The following CDH18 variants were observed in gnomAD, a reference collection of about 807,000 sequenced individuals.
CDH18 encodes the protein cadherin 18.
CDH18 carries 31 observed loss-of-function variants against 67.9 expected under a neutral mutation model. The ratio of observed to expected loss-of-function variants is 0.46; its 90% CI spans 0.34 to 0.62. CDH18 has a LOEUF of 0.62. Ranked by LOEUF, CDH18 falls within the 20% of genes least tolerant of loss-of-function variation. The pLI, the probability that CDH18 is intolerant of heterozygous loss-of-function variation, is 0.01. For synonymous variants in CDH18, 362 were observed against 347.2 expected (o/e 1.04, Z -0.48); for missense variants, 890 against 975.5 (o/e 0.91, Z 1.17).
intron 11 of CDH18, among the ~76,000 whole-genome samples, chr5:19,490,392 C>CTTTTTTTTTTTTT (rs1561183202): frequency 9.9e-5 from 4 of 40,306 alleles, no homozygotes; most frequent in African/African-American, 4.1e-4. Flanking sequence ...ATATAAAAAT[C>CTTTTTTTTTTTTT]TGTTTTTTTT....
At chr5:20,011,018 T>C (rs1239268216) in intron 2 of CDH18, among the ~76,000 whole-genome samples, 1 of 152,150 alleles carries the variant, frequency 6.6e-6, no homozygotes, top group Non-Finnish European at 1.5e-5. Context: ...CATTACATAT[T>C]ATCATTTTGC....
chr5:20,204,752 G>T (rs1036165982), intron 2 of CDH18, among the ~76,000 whole-genome samples: 2 of 151,872 alleles, frequency 1.3e-5, no homozygotes, highest in African/African-American at 4.8e-5. Context: ...AATCAAAATT[G>T]TATGGGGGAG....
At chr5:19,902,420 C>T (rs1790036822) in intron 2 of CDH18, among the ~76,000 whole-genome samples, 1 of 152,052 alleles carries the variant, frequency 6.6e-6, no homozygotes, top group Admixed American at 6.6e-5. Context: ...CCAGGAAAGC[C>T]AGCTGCCCTT....
At chr5:19,734,699 A>G (rs4242065) in intron 4 of CDH18, among the ~76,000 whole-genome samples, 146,929 of 152,250 alleles carry the variant, frequency 0.97, 71,099 homozygotes, top group East Asian at 1. Context: ...TCTATTTCCC[A>G]GTGCTGCCCA....
At chr5:20,017,742 G>A (rs999997340) in intron 2 of CDH18, among the ~76,000 whole-genome samples, 2 of 152,114 alleles carry the variant, frequency 1.3e-5, no homozygotes, top group African/African-American at 4.8e-5. Flanking sequence ...CACTAGGTAG[G>A]CCATATAATG....
At chr5:20,356,799 A>G (rs1741660235) in intron 1 of CDH18, among the ~76,000 whole-genome samples, 1 of 149,002 alleles carries the variant, frequency 6.7e-6, no homozygotes, top group Non-Finnish European at 1.5e-5. Context: ...ATACCTATGT[A>G]TGCGTATATA....
intron 1 of CDH18, among the ~76,000 whole-genome samples, chr5:20,454,050 A>G (rs1055439955): frequency 3.3e-5 from 5 of 152,070 alleles, no homozygotes; most frequent in Non-Finnish European, 7.4e-5. Context: ...AATATGACAA[A>G]CCTTTTTAGG....
At chr5:20,275,190 T>C (rs997511476) in intron 1 of CDH18, among the ~76,000 whole-genome samples, 3 of 152,148 alleles carry the variant, frequency 2.0e-5, no homozygotes, top group Non-Finnish European at 4.4e-5. Flanking sequence ...CCAAATCTCA[T>C]GGCAAATTGG....
intron 1 of CDH18, among the ~76,000 whole-genome samples, chr5:20,526,805 A>C (rs986726411): frequency 2.0e-5 from 3 of 152,102 alleles, no homozygotes; most frequent in Non-Finnish European, 4.4e-5. Context: ...ACGAGGAAAA[A>C]ACAAAACGCA....
chr5:19,514,136 G>A (rs907297056), intron 10 of CDH18, among the ~76,000 whole-genome samples: 1 of 152,148 alleles, frequency 6.6e-6, no homozygotes, highest in African/African-American at 2.4e-5. Flanking sequence ...TCAGAATGAT[G>A]GTTTCCAGCT....
intron 2 of CDH18, among the ~76,000 whole-genome samples, chr5:19,976,006 A>G (rs1019874073): frequency 2.0e-5 from 3 of 152,206 alleles, no homozygotes; most frequent in Non-Finnish European, 4.4e-5. Flanking sequence ...AGTCACAGTC[A>G]CACAAGAACT....
In CDH18 at chr5:20,172,207, T is replaced by TATATAC. The variant is rs1554098714; in HGVS notation, c.-518+83236_-518+83237insGTATAT. Among the ~76,000 whole-genome samples the TATATAC allele has an allele frequency of 1.1e-3, 72 of 65,834 alleles. 6 individuals carry two copies. Among genetic ancestry groups the TATATAC allele is most frequent in the Non-Finnish European group, 1.4e-3 (51 of 35,894 alleles). The allele number at this position is 65,834 out of a possible 152,430, so 43.2% of individuals were successfully genotyped here. Reference sequence around the variant, plus strand: ...CATTGTGTGTATATATATATATATATATATATATATATATATGTATATATA... The same window carrying TATATAC: ...CATTGTGTGTATATATATATATATATATATACATATATATATATATATGTATATATA... On this transcript the variant is annotated intron_variant, in intron 2 of 14. Transcript: ENST00000507958.
In CDH18 at chr5:20,439,866, T is replaced by G. The variant is rs996282227; in HGVS notation, c.-580+135596A>C. On this transcript the variant is annotated intron_variant, in intron 1 of 14. Transcript: ENST00000507958. ...CAAATGAGAAATTATATTTGAAATTTATTATACGGCTTTTGAAGTACTTCC... is the reference window on the plus strand; with the variant it reads ...CAAATGAGAAATTATATTTGAAATTGATTATACGGCTTTTGAAGTACTTCC... Among the ~76,000 whole-genome samples the G allele has an allele frequency of 8.6e-5, 13 of 151,828 alleles. 2 individuals carry two copies. The highest frequency in any genetic ancestry group is 2.9e-4 in the African/African-American group (12 of 41,212).
At chr5:19,621,215 G>GT (rs1750636783) in intron 5 of CDH18, among the ~76,000 whole-genome samples, 1 of 92,268 alleles carries the variant, frequency 1.1e-5, no homozygotes, top group African/African-American at 3.9e-5. Context: ...CAAGAACCCA[G>GT]GTTTTTTTTT....
intron 5 of CDH18, among the ~76,000 whole-genome samples, chr5:19,653,285 T>C (rs1755844509): frequency 1.3e-5 from 2 of 152,056 alleles, no homozygotes; most frequent in African/African-American, 2.4e-5. Flanking sequence ...GACCCTGAGC[T>C]TGAGTCTTTT....
At chr5:19,501,319 T>A (rs947349723) in intron 11 of CDH18, among the ~76,000 whole-genome samples, 3 of 150,206 alleles carry the variant, frequency 2.0e-5, no homozygotes, top group Admixed American at 6.7e-5. Flanking sequence ...AATGTGGGAT[T>A]TGGCCAGGGG....
At chr5:20,106,403 C>T (rs564219869) in intron 2 of CDH18, among the ~76,000 whole-genome samples, 92 of 152,296 alleles carry the variant, frequency 6.0e-4, no homozygotes, top group Non-Finnish European at 1.1e-3. Context: ...GTTAAATAAT[C>T]TCACATTTAC....
intron 1 of CDH18, among the ~76,000 whole-genome samples, chr5:20,492,179 A>ATT (rs374939338): frequency 2.0e-5 from 3 of 149,402 alleles, no homozygotes; most frequent in African/African-American, 7.4e-5. Flanking sequence ...AGTAACATTG[A>ATT]TTTTTTTTTT....
chr5:20,203,828 T>C (rs1184159155), intron 2 of CDH18, among the ~76,000 whole-genome samples: 20 of 152,034 alleles, frequency 1.3e-4, no homozygotes, highest in Admixed American at 2.6e-4. Context: ...TGACCAATAA[T>C]TTAAAATAGC....
Sources: allele counts gnomAD v4.1 joint callset (sites outside exome capture counted in the v4.1 genomes callset), GRCh38; gene constraint gnomAD v4.1.1; transcripts MANE v1.5; gene names NCBI Gene and HGNC (gene_info 2026-07-23, HGNC 2026-07-21).